ZNF320: variants seen among roughly 807,000 people sequenced by gnomAD.
ZNF320 encodes zinc finger protein 320, also known as zinc finger gene 320.
ZNF320 carries 2 observed loss-of-function variants against 6.8 expected under a neutral mutation model. The ratio of observed to expected loss-of-function variants is 0.29; its 90% CI spans 0.12 to 0.93. The LOEUF is 0.93. Among genes scored for constraint, ZNF320 ranks in the 40% least tolerant of loss-of-function variants. ZNF320 has a pLI of 0.55. For synonymous variants in ZNF320, 208 were observed against 203.2 expected, an observed-to-expected ratio of 1.02 and a Z score of -0.20; for missense variants, 472 against 611.0, an observed-to-expected ratio of 0.77 and a Z score of 2.40.
downstream of ZNF320, chr19:52,874,187 C>G (rs1221211488): frequency 4.8e-6 from 1 of 207,694 alleles, no homozygotes; most frequent in African/African-American, 2.4e-5. Context: ...CTGCTGCCCA[C>G]TACACCAGAG....
rs543185800 is a variant in ZNF320, at chr19:52,880,119, C to G, written c.*477G>C. ...ATCTCAGCACTTTGGCAGGTGGAGG[C>G]AGGTGGATTTTAAGGACAGAAGATC... On this transcript the variant is annotated 3_prime_UTR_variant, in exon 6 of 6. Transcript: ENST00000682928. The G allele has an allele frequency of 6.6e-6, 1 of 152,348 alleles. No individual in the cohort carries two copies. The highest frequency in any genetic ancestry group is 1.5e-5 in the Non-Finnish European group (1 of 68,248). 9.4% of individuals were successfully genotyped at this position (152,348 alleles called of 1,614,324 possible). A position where few individuals can be genotyped will look rare whatever the true frequency, so the allele number is the denominator to read the frequency against.
At chr19:52,893,692 T>C (rs924552373) in intron 2 of ZNF320, 87 bp downstream of exon 2, 1 of 152,128 alleles carries the variant, frequency 6.6e-6, no homozygotes, top group African/African-American at 2.4e-5. Context: ...TGCACATACT[T>C]CAAATTACAT....
chr19:52,870,614 T>C (rs1163200036), intron 5 of ZNF320, among the ~76,000 whole-genome samples: 1 of 152,082 alleles, frequency 6.6e-6, no homozygotes, highest in Non-Finnish European at 1.5e-5. Context: ...CATCACATCA[T>C]GCCATTACAC....
intron 1 of ZNF320, chr19:52,894,763 T>G (rs1027554759): frequency 1.3e-5 from 2 of 151,940 alleles, no homozygotes; most frequent in African/African-American, 2.4e-5. Context: ...TCCCAGCTAC[T>G]CGGGAGGCTG....
At chr19:52,898,470 C>T (rs1387739622), upstream of ZNF320, among the ~76,000 whole-genome samples, 3 of 152,084 alleles carry the variant, frequency 2.0e-5, no homozygotes, top group African/African-American at 4.8e-5. Flanking sequence ...CTCCTTCCTC[C>T]GCCTCAATAA....
intron 5 of ZNF320, among the ~76,000 whole-genome samples, chr19:52,869,327 A>T (rs2063636947): frequency 6.6e-6 from 1 of 152,168 alleles, no homozygotes; most frequent in Non-Finnish European, 1.5e-5. Context: ...ACCTAGTTTC[A>T]AGAGTATACA....
Position 52,869,715 on chromosome 19 carries a change from A to G in ZNF320, c.223+4277T>C, listed in dbSNP as rs114019727. ...CCGGGCCTGGCTAAATTTTCTATTT[A>G]TTTATTTATGTATTTATAGAGACAG... On this transcript the variant is annotated intron_variant, in intron 5 of 5. Coordinates refer to the ZNF320 transcript ENST00000673631. Among the ~76,000 whole-genome samples, 1,155 of 150,856 alleles carry G rather than the reference A, an allele frequency of 7.7e-3. 16 individuals are homozygous for G. The highest frequency in any genetic ancestry group is 0.027 in the African/African-American group (1,100 of 40,996).
chr19:52,864,352 C>T (rs190969436), intron 5 of ZNF320, among the ~76,000 whole-genome samples: 270 of 152,242 alleles, frequency 1.8e-3, no homozygotes, highest in Admixed American at 3.6e-3. Context: ...TCAAGATCCC[C>T]TAAGTAAAAA....
At chr19:52,886,537 T>C (rs1284250234) in intron 5 of ZNF320, among the ~76,000 whole-genome samples, 2 of 152,220 alleles carry the variant, frequency 1.3e-5, no homozygotes, top group Non-Finnish European at 2.9e-5. Context: ...GCACTTCACT[T>C]CTGCGTACTG....
intron 3 of ZNF320, among the ~76,000 whole-genome samples, chr19:52,890,589 A>C (rs78016138): frequency 0.026 from 3,982 of 152,270 alleles, 152 homozygotes; most frequent in African/African-American, 0.085. Context: ...CCCCACACAG[A>C]GGCTGGGTGT....
intron 5 of ZNF320, among the ~76,000 whole-genome samples, chr19:52,870,900 C>A (rs2063669305): frequency 2.0e-5 from 3 of 152,172 alleles, no homozygotes; most frequent in Non-Finnish European, 4.4e-5. Flanking sequence ...GTAATCCCAG[C>A]ACTTTGGGAG....
At chr19:52,869,463 C>A (rs190922424) in intron 5 of ZNF320, among the ~76,000 whole-genome samples, 106 of 152,254 alleles carry the variant, frequency 7.0e-4, no homozygotes, top group South Asian at 2.9e-3. Context: ...GTAGGTAGAG[C>A]TGTGTTTGTG....
chr19:52,883,699 A>G, intron 5 of ZNF320: 2 of 433,840 alleles, frequency 4.6e-6, no homozygotes, highest in Admixed American at 2.6e-5. Flanking sequence ...GGAGTTTGAG[A>G]CCAGCCTGGA....
chr19:52,869,104 C>T (rs58664696), intron 5 of ZNF320, among the ~76,000 whole-genome samples: 1 of 143,598 alleles, frequency 7.0e-6, no homozygotes, highest in African/African-American at 2.6e-5. Context: ...GTGCATGCAC[C>T]TCTGTGGGAA....
chr19:52,873,380 C>T (rs2063714006), downstream of ZNF320, among the ~76,000 whole-genome samples: 1 of 152,198 alleles, frequency 6.6e-6, no homozygotes, highest in South Asian at 2.1e-4. Flanking sequence ...ATGCCTTTCA[C>T]AAAGCATATT....
intron 5 of ZNF320, among the ~76,000 whole-genome samples, chr19:52,866,023 T>C (rs1319098435): frequency 8.4e-6 from 1 of 118,952 alleles, no homozygotes; most frequent in Admixed American, 9.2e-5. Context: ...ATATTATACA[T>C]ATTTATATAT....
rs1298492375 is a variant in ZNF320 at position 52,881,335 on chromosome 19, T to C, written c.791A>G (p.His264Arg). The change falls in exon 6 of 6, where the codon CAT becomes CGT. Residue 264 changes from histidine (H) to arginine (R), a missense_variant. Transcript: ENST00000682928. ...AGGTTTCTCTCCAGTATGCAGTCTA[T>C]GATGGTACACAAGGTGTGATGTCTG... Reference protein sequence around the residue: ...FSQTSHLVYHHRLHTGEKPYK... With the variant: ...FSQTSHLVYHRRLHTGEKPYK... The C allele has an allele frequency of 2.5e-6, 4 of 1,613,912 alleles. No homozygotes were observed. Among genetic ancestry groups the C allele is most frequent in the African/African-American group, 2.7e-5 (2 of 74,874 alleles).
At chr19:52,874,180 C>T (rs1568701217), downstream of ZNF320, 1 of 213,552 alleles carries the variant, frequency 4.7e-6, no homozygotes, top group Non-Finnish European at 9.6e-6. Context: ...CAGCCCTCTG[C>T]TGCCCACTAC....
At chr19:52,902,963 G>A in the ZNF320 span, among the ~76,000 whole-genome samples, 2 of 152,116 alleles carry the variant, frequency 1.3e-5, no homozygotes, top group Non-Finnish European at 2.9e-5. Flanking sequence ...TTTAAAACTT[G>A]CTTAAACTTT....
Sources: allele counts gnomAD v4.1 joint callset (sites outside exome capture counted in the v4.1 genomes callset), GRCh38; gene constraint gnomAD v4.1.1; transcripts MANE v1.5; gene names NCBI Gene and HGNC (gene_info 2026-07-23, HGNC 2026-07-21).